Variants in CDH11 observed in about 807,000 individuals in gnomAD.
CDH11 encodes the protein cadherin-11.
In CDH11, 11 loss-of-function variants were observed where a neutral mutation model predicts 67.8. The observed-to-expected ratio is 0.16, with a 90% CI of 0.10 to 0.27. The LOEUF (loss-of-function observed/expected upper bound fraction) is 0.27, where lower values mean the gene tolerates loss of function less well. Ranked by LOEUF, CDH11 falls within the 10% of genes least tolerant of loss-of-function variation. CDH11 has a pLI of 1.00. For missense variants in CDH11, 847 were observed against 1,031.2 expected (o/e 0.82, Z 2.45); for synonymous variants, 419 against 400.0 (o/e 1.05, Z -0.57).
intron 2 of CDH11, among the ~76,000 whole-genome samples, chr16:65,020,200 C>T (rs182048433): frequency 3.9e-4 from 59 of 152,256 alleles, no homozygotes; most frequent in African/African-American, 1.4e-3. Flanking sequence ...CTAATTGCTC[C>T]AAAGCAGGTA....
chr16:65,031,672 G>C (rs768003786), intron 2 of CDH11, among the ~76,000 whole-genome samples: 1 of 152,102 alleles, frequency 6.6e-6, no homozygotes, highest in Non-Finnish European at 1.5e-5. Context: ...AAGAGGAAAG[G>C]GGTGATGCAG....
At chr16:65,093,049 G>A (rs2074820211) in intron 1 of CDH11, among the ~76,000 whole-genome samples, 1 of 149,706 alleles carries the variant, frequency 6.7e-6, no homozygotes, top group East Asian at 2.0e-4. Context: ...CAATTCTCCT[G>A]CCTCAGCCTC....
At chr16:64,992,802 CCCTCTGTATT>C in intron 5 of CDH11, 103 bp downstream of exon 5, 1 of 957,300 alleles carries the variant, frequency 1.0e-6, no homozygotes, top group Admixed American at 2.3e-5. Context: ...TATAGGGTAG[CCCTCTGTATT>C]CCTTTTTCAT....
At chr16:64,952,828 T>C (rs1384697543) in intron 11 of CDH11, among the ~76,000 whole-genome samples, 2 of 152,150 alleles carry the variant, frequency 1.3e-5, no homozygotes, top group South Asian at 2.1e-4. Flanking sequence ...TTAGCTCCTG[T>C]AGTAGGGAAA....
At chr16:65,056,828 C>T (rs1050672170) in intron 1 of CDH11, among the ~76,000 whole-genome samples, 1 of 152,148 alleles carries the variant, frequency 6.6e-6, no homozygotes, top group South Asian at 2.1e-4. Context: ...AAAGACCGAT[C>T]GAACTCCCCA....
Position 65,037,990 on chromosome 16 carries a change from C to CT in CDH11, c.-173+15813dup, listed in dbSNP as rs200400587. On this transcript the variant is annotated intron_variant, in intron 2 of 12. Transcript: ENST00000268603. ...GGATGTATTTCAAGAAGTGTTCATT[C>CT]TTTTTTTTTCTTTTTTAATAAAAAA... is the stretch of plus-strand genomic sequence containing the variant. Among the ~76,000 whole-genome samples, 858 of 151,558 alleles carry CT rather than the reference C, an allele frequency of 5.7e-3. 11 individuals carry two copies. Among genetic ancestry groups the CT allele is most frequent in the African/African-American group, 0.019 (788 of 41,320 alleles).
chr16:65,045,126 C>A (rs2073932338), intron 2 of CDH11, among the ~76,000 whole-genome samples: 1 of 151,356 alleles, frequency 6.6e-6, no homozygotes, highest in Non-Finnish European at 1.5e-5. Flanking sequence ...TGGTTTGGGG[C>A]AATGAATCAC....
chr16:64,992,353 GT>G (rs1360509500), intron 5 of CDH11, among the ~76,000 whole-genome samples: 1 of 152,148 alleles, frequency 6.6e-6, no homozygotes, highest in Non-Finnish European at 1.5e-5. Context: ...AAAGCAGGAG[GT>G]GCATATTTCA....
chr16:65,016,042 T>A (rs932946351), intron 2 of CDH11, among the ~76,000 whole-genome samples: 13 of 152,174 alleles, frequency 8.5e-5, no homozygotes, highest in South Asian at 4.1e-4. Flanking sequence ...GAAACTTGAC[T>A]TTCACCAGCA....
chr16:65,072,811 C>T (rs1284292329), intron 1 of CDH11, among the ~76,000 whole-genome samples: 1 of 152,226 alleles, frequency 6.6e-6, no homozygotes, highest in Non-Finnish European at 1.5e-5. Flanking sequence ...GTTCTAGTCA[C>T]TAGCTGGATA....
intron 2 of CDH11, among the ~76,000 whole-genome samples, chr16:65,044,622 C>T (rs541877472): frequency 3.3e-5 from 5 of 152,082 alleles, no homozygotes; most frequent in African/African-American, 1.2e-4. Context: ...CTTCTCTGCT[C>T]ACTCGGACAA....
chr16:64,960,096 T>A (rs1253631176), intron 11 of CDH11, among the ~76,000 whole-genome samples: 2 of 152,168 alleles, frequency 1.3e-5, no homozygotes, highest in African/African-American at 2.4e-5. Context: ...AACTAATACA[T>A]TAGAGGGTCA....
intron 11 of CDH11, among the ~76,000 whole-genome samples, chr16:64,967,150 A>G (rs1372987102): frequency 1.3e-5 from 2 of 152,214 alleles, no homozygotes; most frequent in Non-Finnish European, 1.5e-5. Context: ...AAAATGGTAT[A>G]ACATTTCTGA....
chr16:65,016,173 C>G (rs1268788074), intron 2 of CDH11, among the ~76,000 whole-genome samples: 1 of 152,296 alleles, frequency 6.6e-6, no homozygotes, highest in South Asian at 2.1e-4. Context: ...TCTATATATA[C>G]CACAGAGTGT....
chr16:65,055,908 T>C (rs1016835825), intron 1 of CDH11, among the ~76,000 whole-genome samples: 1 of 152,182 alleles, frequency 6.6e-6, no homozygotes, highest in African/African-American at 2.4e-5. Context: ...GATGATGTCA[T>C]GAAGGATTGT....
Position 64,948,572 on chromosome 16 carries a change from AG to A in CDH11, c.1895-474del. The A allele has an allele frequency of 1.8e-6, 2 of 1,135,824 alleles. 1 individual carries two copies. The highest frequency in any genetic ancestry group is 3.2e-5 in the South Asian group (2 of 61,636). The allele number at this position is 1,135,824 out of a possible 1,614,324, so 70.4% of individuals were successfully genotyped here. On this transcript the variant is annotated intron_variant, in intron 12 of 12. Transcript: ENST00000268603. The stretch of plus-strand genomic sequence containing the variant: ...TAGCTTCTGCCAATGTCTGAGAAAG[AG>A]TATTGGTCCTATACTAACTTAATGG...
chr16:64,947,471 G>A lies in CDH11; in HGVS notation c.*132C>T. 2 of 1,485,456 alleles carry A rather than the reference G, an allele frequency of 1.3e-6. No individual in the cohort carries two copies. The highest frequency in any genetic ancestry group is 2.3e-5 in the East Asian group (1 of 43,346). The allele number at this position is 1,485,456 out of a possible 1,614,324, so 92.0% of individuals were successfully genotyped here. ...TGATGTCCTCGCAGTTTTATTAAAT[G>A]TATCCTCTCTGTAAAACTTTGCCTG... On this transcript the variant is annotated 3_prime_UTR_variant, in exon 13 of 13. Transcript: ENST00000268603.
chr16:65,052,119 C>T (rs747294371), intron 2 of CDH11, among the ~76,000 whole-genome samples: 5 of 152,216 alleles, frequency 3.3e-5, no homozygotes, highest in South Asian at 2.1e-4. Flanking sequence ...TGTTAGTCAC[C>T]TTAGTCCACC....
chr16:64,977,253 A>C (rs894844320), intron 8 of CDH11, among the ~76,000 whole-genome samples: 1 of 152,168 alleles, frequency 6.6e-6, no homozygotes, highest in African/African-American at 2.4e-5. Context: ...TGGTATTTCT[A>C]AATAACAAAG....
Sources: allele counts gnomAD v4.1 joint callset (sites outside exome capture counted in the v4.1 genomes callset), GRCh38; gene constraint gnomAD v4.1.1; transcripts MANE v1.5; gene names NCBI Gene and HGNC (gene_info 2026-07-23, HGNC 2026-07-21).